The following ADARB1 variants were observed in gnomAD, a reference collection of about 807,000 sequenced individuals.
The protein encoded by ADARB1 is adenosine deaminase RNA specific B1.
A neutral mutation model predicts 52.4 loss-of-function variants in ADARB1; 10 were observed. The observed-to-expected ratio is 0.19, with a 90% CI of 0.12 to 0.32. The LOEUF (loss-of-function observed/expected upper bound fraction) is 0.32. Among genes scored for constraint, ADARB1 ranks in the 10% least tolerant of loss-of-function variants. The probability of loss-of-function intolerance (pLI) is 1.00; values close to 1 mark genes in which losing one functional copy is unlikely to be tolerated. For missense variants in ADARB1, 643 were observed against 922.3 expected, an observed-to-expected ratio of 0.70 and a Z score of 3.92; for synonymous variants, 349 against 371.1, an observed-to-expected ratio of 0.94 and a Z score of 0.68.
rs536732577 is a variant in ADARB1, at chr21:45,119,976, G to T, written c.-219-8426G>T. On this transcript the variant is annotated intron_variant, in intron 1 of 10. Coordinates refer to ENST00000348831, the MANE Select transcript of ADARB1 (RefSeq NM_001112.4). ...AGGATGAGGACTTTGTGGCCCCCAC[G>T]TGGGCGCATTACCAAGCTTTGCAGC... Among the ~76,000 whole-genome samples, 5 of 152,368 alleles carry T rather than the reference G, an allele frequency of 3.3e-5. No individual in the cohort carries two copies. In the East Asian group the frequency reaches 9.6e-4, roughly 29 times the overall value.
chr21:45,075,295 C>G (rs1378626291), intron 1 of ADARB1, among the ~76,000 whole-genome samples: 1 of 150,296 alleles, frequency 6.7e-6, no homozygotes, highest in Non-Finnish European at 1.5e-5. Context: ...AGGCTATGTC[C>G]CTGGGGAGAC....
At chr21:45,123,443 A>G (rs2145807087) in intron 1 of ADARB1, among the ~76,000 whole-genome samples, 1 of 152,324 alleles carries the variant, frequency 6.6e-6, no homozygotes, top group Non-Finnish European at 1.5e-5. Context: ...AGTTGGGATT[A>G]CAGACATGAG....
At chr21:45,195,282 T>A (rs901862599) in intron 8 of ADARB1, among the ~76,000 whole-genome samples, 8 of 152,150 alleles carry the variant, frequency 5.3e-5, no homozygotes, top group Non-Finnish European at 1.0e-4. Flanking sequence ...GTTTAGAGAG[T>A]TTTTTGTATA....
At chr21:45,095,053 T>TA (rs2086701905) in intron 1 of ADARB1, among the ~76,000 whole-genome samples, 1 of 152,238 alleles carries the variant, frequency 6.6e-6, no homozygotes, top group Non-Finnish European at 1.5e-5. Flanking sequence ...TGGGTCTTGC[T>TA]AGTCACTAAT....
chr21:45,159,028 T>C (rs928173848), intron 2 of ADARB1, among the ~76,000 whole-genome samples: 12 of 152,198 alleles, frequency 7.9e-5, no homozygotes, highest in Admixed American at 7.2e-4. Context: ...TACATGTTCA[T>C]TGTAAGAATT....
chr21:45,191,510 T>C (rs1408303455), intron 8 of ADARB1, among the ~76,000 whole-genome samples: 2 of 152,190 alleles, frequency 1.3e-5, no homozygotes, highest in African/African-American at 2.4e-5. Flanking sequence ...TGTTACTTTA[T>C]CAAATGTTTT....
chr21:45,136,917 A>T (rs1412347814), intron 2 of ADARB1, among the ~76,000 whole-genome samples: 1 of 152,236 alleles, frequency 6.6e-6, no homozygotes, highest in Non-Finnish European at 1.5e-5. Context: ...AATTCCTAAG[A>T]AGTGGTTGGA....
chr21:45,131,090 A>G (rs1189880130), intron 2 of ADARB1, among the ~76,000 whole-genome samples: 1 of 152,236 alleles, frequency 6.6e-6, no homozygotes, highest in Non-Finnish European at 1.5e-5. Flanking sequence ...AATTATAGCC[A>G]TATAATGTTA....
At chr21:45,078,794 TA>T (rs2086043989) in intron 1 of ADARB1, among the ~76,000 whole-genome samples, 1 of 152,218 alleles carries the variant, frequency 6.6e-6, no homozygotes, top group Non-Finnish European at 1.5e-5. Flanking sequence ...GATTTATCTT[TA>T]AAAAGTACCA....
chr21:45,188,734 G>A (rs1569142141), intron 8 of ADARB1, among the ~76,000 whole-genome samples: 1 of 151,808 alleles, frequency 6.6e-6, no homozygotes, highest in East Asian at 1.9e-4. Flanking sequence ...TTTTCTATAT[G>A]CTTGTAGCTT....
intron 1 of ADARB1, among the ~76,000 whole-genome samples, chr21:45,076,828 C>G (rs550883380): frequency 1.3e-5 from 2 of 152,328 alleles, no homozygotes; most frequent in Admixed American, 6.5e-5. Flanking sequence ...TTGTCTGTGG[C>G]CTGTTATGTG....
intron 1 of ADARB1, among the ~76,000 whole-genome samples, chr21:45,078,963 C>A (rs2086051080): frequency 6.6e-6 from 1 of 152,082 alleles, no homozygotes; most frequent in Non-Finnish European, 1.5e-5. Context: ...GTGATTTACC[C>A]AAGGTCACAC....
Position 45,225,200 on chromosome 21 carries a change from G to T in ADARB1, c.*3003G>T. ...CTGCTAGTGGGAGGTCTCAGGTGGGGCGGTGTGTTCTGTGCCATGAGGCAG... is the reference window on the plus strand; with the variant it reads ...CTGCTAGTGGGAGGTCTCAGGTGGGTCGGTGTGTTCTGTGCCATGAGGCAG... On this transcript the variant is annotated 3_prime_UTR_variant, in exon 11 of 11. Coordinates refer to ENST00000348831, the MANE Select transcript of ADARB1 (RefSeq NM_001112.4). 9.5e-7 allele frequency: 1 copy of T among 1,057,030 alleles called. No individual in the cohort carries two copies. Among genetic ancestry groups the T allele is most frequent in the Non-Finnish European group, 1.1e-6 (1 of 877,404 alleles). The allele number at this position is 1,057,030 out of a possible 1,614,324, so 65.5% of individuals were successfully genotyped here.
intron 1 of ADARB1, among the ~76,000 whole-genome samples, chr21:45,108,212 A>G (rs1438831736): frequency 1.3e-5 from 2 of 152,238 alleles, no homozygotes; most frequent in African/African-American, 4.8e-5. Context: ...GAAAATGGGA[A>G]AAAGGTATGA....
intron 1 of ADARB1, among the ~76,000 whole-genome samples, chr21:45,108,241 A>G (rs1392162622): frequency 6.6e-6 from 1 of 152,246 alleles, no homozygotes; most frequent in African/African-American, 2.4e-5. Flanking sequence ...ATATGCACAT[A>G]TACACGTACA....
intron 1 of ADARB1, among the ~76,000 whole-genome samples, chr21:45,113,038 A>C (rs2087615853): frequency 6.6e-6 from 1 of 152,020 alleles, no homozygotes; most frequent in Non-Finnish European, 1.5e-5. Flanking sequence ...GTTGAGTTTT[A>C]TTTGTCTGTG....
chr21:45,138,265 G>A (rs141551939), intron 2 of ADARB1, among the ~76,000 whole-genome samples: 2 of 152,174 alleles, frequency 1.3e-5, no homozygotes, highest in Non-Finnish European at 1.5e-5. Context: ...GCTCCGTGAC[G>A]TTTCTCCAAC....
chr21:45,199,997 A>G (rs956204153), intron 8 of ADARB1, among the ~76,000 whole-genome samples: 9 of 152,254 alleles, frequency 5.9e-5, no homozygotes, highest in African/African-American at 2.2e-4. Context: ...GATAGAACCT[A>G]GCATGGGTGG....
chr21:45,102,234 C>T (rs1254280509), intron 1 of ADARB1, among the ~76,000 whole-genome samples: 13 of 152,150 alleles, frequency 8.5e-5, no homozygotes, highest in Non-Finnish European at 1.9e-4. Context: ...CTATAATTAT[C>T]TTCCTTACCT....
Sources: gnomAD v4.1 joint callset for allele counts (sites outside exome capture counted in the v4.1 genomes callset) on GRCh38, gnomAD v4.1.1 for gene constraint, MANE v1.5 for transcripts, NCBI Gene and HGNC (gene_info 2026-07-23, HGNC 2026-07-21) for gene names.